The following EPS15 variants were observed in gnomAD, a reference collection of about 807,000 sequenced individuals.
EPS15 encodes the protein epidermal growth factor receptor substrate 15.
A neutral mutation model predicts 113.8 loss-of-function variants in EPS15; 72 were observed. The ratio of observed to expected loss-of-function variants is 0.63; its 90% CI spans 0.52 to 0.77. The LOEUF (loss-of-function observed/expected upper bound fraction) is 0.77, where lower values mean the gene tolerates loss of function less well. Ranked by LOEUF, EPS15 falls within the 30% of genes least tolerant of loss-of-function variation. The probability of loss-of-function intolerance (pLI) is 0.00; values close to 1 mark genes in which losing one functional copy is unlikely to be tolerated. For synonymous variants in EPS15, 344 were observed against 363.4 expected (o/e 0.95, Z 0.61); for missense variants, 1,048 against 1,045.8 (o/e 1.00, Z -0.03).
At chr1:51,439,403 T>C (rs1289895714) in intron 12 of EPS15, among the ~76,000 whole-genome samples, 3 of 152,086 alleles carry the variant, frequency 2.0e-5, no homozygotes, top group African/African-American at 7.2e-5. Flanking sequence ...AGTTAACTCA[T>C]TTAATCTCCT....
intron 12 of EPS15, among the ~76,000 whole-genome samples, chr1:51,428,214 C>A (rs1206055420): frequency 1.3e-5 from 2 of 152,076 alleles, no homozygotes; most frequent in Non-Finnish European, 2.9e-5. Flanking sequence ...GAGTTCATTA[C>A]TTCTAGATCT....
intron 12 of EPS15, among the ~76,000 whole-genome samples, chr1:51,428,230 A>G (rs923503297): frequency 1.3e-5 from 2 of 152,172 alleles, no homozygotes; most frequent in African/African-American, 4.8e-5. Context: ...GATCTACCCT[A>G]CAATAAATGC....
chr1:51,426,511 C>G (rs182397819), intron 12 of EPS15, among the ~76,000 whole-genome samples: 35 of 150,494 alleles, frequency 2.3e-4, no homozygotes, highest in African/African-American at 8.6e-4. Flanking sequence ...GCCACAGTAC[C>G]CAGATATTTG....
At chr1:51,382,752 C>T (rs555538036) in intron 21 of EPS15, among the ~76,000 whole-genome samples, 15 of 152,150 alleles carry the variant, frequency 9.9e-5, no homozygotes, top group Admixed American at 6.5e-5. Flanking sequence ...AACAAAACAC[C>T]TCCCAACAAA....
intron 22 of EPS15, 28 bp downstream of exon 22, chr1:51,365,925 T>A: frequency 6.8e-7 from 1 of 1,476,756 alleles, no homozygotes; most frequent in Non-Finnish European, 9.4e-7. Flanking sequence ...CAGTATGTTT[T>A]CCCTTCCCAT....
intron 15 of EPS15, among the ~76,000 whole-genome samples, chr1:51,407,285 C>A (rs557836674): frequency 1.3e-5 from 2 of 152,228 alleles, no homozygotes; most frequent in African/African-American, 2.4e-5. Context: ...GCAACCTCTG[C>A]CTCCCAGGCT....
At chr1:51,471,340 G>A (rs1337604566) in intron 4 of EPS15, among the ~76,000 whole-genome samples, 1 of 152,196 alleles carries the variant, frequency 6.6e-6, no homozygotes, top group Non-Finnish European at 1.5e-5. Context: ...TTAACCAAGA[G>A]TTTCCTTTCA....
intron 12 of EPS15, among the ~76,000 whole-genome samples, chr1:51,435,661 G>C (rs1652093908): frequency 6.6e-6 from 1 of 152,146 alleles, no homozygotes; most frequent in African/African-American, 2.4e-5. Flanking sequence ...CAACCAACTA[G>C]CCTATTCCTC....
chr1:51,503,532 C>T (rs1302177550), intron 1 of EPS15, among the ~76,000 whole-genome samples: 1 of 152,108 alleles, frequency 6.6e-6, no homozygotes, highest in East Asian at 1.9e-4. Flanking sequence ...ATCCCAGTTA[C>T]TCAGGAGGCT....
At chr1:51,452,867 GCA>G (rs1653688528) in intron 8 of EPS15, among the ~76,000 whole-genome samples, 1 of 152,142 alleles carries the variant, frequency 6.6e-6, no homozygotes, top group Non-Finnish European at 1.5e-5. Flanking sequence ...GCATGATAAA[GCA>G]CAGATTTCTG....
At chr1:51,388,466 A>C (rs1402091429) in intron 21 of EPS15, among the ~76,000 whole-genome samples, 1 of 152,244 alleles carries the variant, frequency 6.6e-6, no homozygotes, top group African/African-American at 2.4e-5. Flanking sequence ...GAAATAACTA[A>C]AATCAGAGCA....
At chr1:51,428,389 C>T (rs1465818291) in intron 12 of EPS15, among the ~76,000 whole-genome samples, 1 of 152,150 alleles carries the variant, frequency 6.6e-6, no homozygotes. Flanking sequence ...CCACTTTATA[C>T]TTTCTATAGA....
At chr1:51,426,207 T>G (rs1248167338) in intron 12 of EPS15, among the ~76,000 whole-genome samples, 1 of 151,704 alleles carries the variant, frequency 6.6e-6, no homozygotes, top group Non-Finnish European at 1.5e-5. Context: ...AGGAGATTGC[T>G]TCTCTTTCCG....
At chr1:51,363,297 C>CAAAAAA (rs34317809) in intron 23 of EPS15, among the ~76,000 whole-genome samples, 4 of 76,752 alleles carry the variant, frequency 5.2e-5, no homozygotes, top group Non-Finnish European at 5.3e-5. Context: ...GATTCCATCT[C>CAAAAAA]AAAAAAAAAA....
chr1:51,441,822 C>G (rs1189730895), intron 11 of EPS15, among the ~76,000 whole-genome samples: 1 of 152,066 alleles, frequency 6.6e-6, no homozygotes, highest in Non-Finnish European at 1.5e-5. Flanking sequence ...AAGAGTCTTC[C>G]GATTTAAGTG....
At chr1:51,479,760 T>C (rs1189007156) in intron 2 of EPS15, among the ~76,000 whole-genome samples, 1 of 152,230 alleles carries the variant, frequency 6.6e-6, no homozygotes, top group Admixed American at 6.5e-5. Flanking sequence ...TGAGAATGAC[T>C]TCTTTTATTC....
rs1652302822 is a variant in EPS15 at position 51,438,105 on chromosome 1, C to CTGACTA, written c.1040+2236_1040+2241dup. ...CTATAATTTTAGCATGGGGATGAGT[C>CTGACTA]TGACTATGACACTAATGGAGTTGAC... On this transcript the variant is annotated intron_variant, in intron 12 of 24. Transcript: ENST00000371733. Among the ~76,000 whole-genome samples, 6 of 152,260 alleles carry CTGACTA rather than the reference C, an allele frequency of 3.9e-5. No homozygotes were observed. In the South Asian group the frequency reaches 1.2e-3, roughly 32 times the overall value.
chr1:51,467,019 C>A (rs1376731072), intron 5 of EPS15, among the ~76,000 whole-genome samples: 1 of 152,126 alleles, frequency 6.6e-6, no homozygotes, highest in South Asian at 2.1e-4. Context: ...AACAGACATT[C>A]ACATAAAGGC....
rs188481138 is a variant in EPS15 at position 51,506,379 on chromosome 1, T to C, written c.33+12820A>G. On this transcript the variant is annotated intron_variant, in intron 1 of 24. Transcript: ENST00000371733. ...CAGAATTACACTTTCCTAACTGGCC[T>C]CATAATCAAAGAAAAACTATAAGCA... Among the ~76,000 whole-genome samples the C allele has an allele frequency of 6.2e-4, 94 of 152,254 alleles. 1 individual carries two copies. The highest frequency in any genetic ancestry group is 2.1e-3 in the African/African-American group (86 of 41,552).
Sources: allele counts gnomAD v4.1 joint callset (sites outside exome capture counted in the v4.1 genomes callset), GRCh38; gene constraint gnomAD v4.1.1; transcripts MANE v1.5; gene names NCBI Gene and HGNC (gene_info 2026-07-23, HGNC 2026-07-21).